The following ADGRF5 variants were observed in gnomAD, a reference collection of about 807,000 sequenced individuals.
ADGRF5 encodes adhesion G protein-coupled receptor F5, also known as G-protein coupled receptor 116.
A neutral mutation model predicts 132.3 loss-of-function variants in ADGRF5; 75 were observed. The observed-to-expected ratio is 0.57, with a 90% CI of 0.47 to 0.69. The LOEUF is 0.69. Among genes scored for constraint, ADGRF5 ranks in the 30% least tolerant of loss-of-function variants. ADGRF5 has a pLI of 0.00. For missense variants in ADGRF5, 1,516 were observed against 1,630.6 expected, an observed-to-expected ratio of 0.93 and a Z score of 1.21; for synonymous variants, 629 against 597.6, an observed-to-expected ratio of 1.05 and a Z score of -0.77.
Position 46,853,714 on chromosome 6 carries a change from A to G in ADGRF5, c.*278T>C, listed in dbSNP as rs549980221. 3.4e-4 allele frequency: 92 copies of G among 266,874 alleles called. No individual in the cohort carries two copies. Among genetic ancestry groups the G allele is most frequent in the African/African-American group, 2.0e-3 (88 of 43,224 alleles). 16.5% of individuals were successfully genotyped at this position (266,874 alleles called of 1,614,324 possible). ...TCTCTTCGAAATTCTATATTACAAT[A>G]TAGACAGAGAAGTTGGGCCTTGAGG... On this transcript the variant is annotated 3_prime_UTR_variant, in exon 21 of 21. Transcript: ENST00000283296.
At chr6:46,863,323 C>T (rs476374) in intron 14 of ADGRF5, 565,171 of 629,126 alleles carry the variant, frequency 0.9, 257,210 homozygotes, top group East Asian at 0.99. Context: ...CTTTTCCTAA[C>T]AGAATTTTAT....
At chr6:46,879,213 AATTAT>A (rs924708471) in intron 9 of ADGRF5, among the ~76,000 whole-genome samples, 183 of 151,454 alleles carry the variant, frequency 1.2e-3, no homozygotes, top group African/African-American at 3.9e-3. Context: ...TAATGAAAAT[AATTAT>A]ATTATATACT....
intron 1 of ADGRF5, among the ~76,000 whole-genome samples, chr6:46,920,890 A>C (rs146807580): frequency 6.4e-4 from 98 of 152,238 alleles, no homozygotes; most frequent in African/African-American, 2.3e-3. Flanking sequence ...AATAAAATCT[A>C]TTTAGAGATA....
intron 8 of ADGRF5, 45 bp downstream of exon 8, chr6:46,881,410 G>A (rs755640777): frequency 9.7e-6 from 15 of 1,541,992 alleles, no homozygotes; most frequent in Admixed American, 1.7e-5. Context: ...CTAGGTTTAC[G>A]CATAACCATA....
At position 46,881,534 on chromosome 6, in the gene ADGRF5, A is replaced by T. The variant is rs956502187; in HGVS notation, c.735T>A (p.His245Gln). 5 of 1,613,338 alleles carry T rather than the reference A, an allele frequency of 3.1e-6. No individual in the cohort carries two copies. The African/African-American group carries it at 6.7e-5, about 22-fold the overall frequency. The change falls in exon 8 of 21, where the codon CAT becomes CAA. Residue 245 changes from histidine to glutamine, a missense_variant. Physicochemically the swap from His to Gln is conservative, Grantham distance 24. Transcript: ENST00000283296. ...TCTGTACAACTTGTTCATTGGCTTT[A>T]TGTATTAACTCAAGTGATGGTGGTG... is the stretch of plus-strand genomic sequence containing the variant. ...KTTPPSLELI[H>Q]KANEQVVQSL...
In ADGRF5 at chr6:46,858,655, T is replaced by A. The variant is rs1308490246; in HGVS notation, c.3248A>T (p.Lys1083Met). The part of the protein sequence containing the change: ...AIQDNRYILC[K>M]TACVAATFFI... ...GAAGGTGGCAGCCACACAGGCTGTCTTGCAGAGTATGTAGCGATTGTCCTG... is the reference window on the plus strand; with the variant it reads ...GAAGGTGGCAGCCACACAGGCTGTCATGCAGAGTATGTAGCGATTGTCCTG... The change falls in exon 17 of 21, where the codon AAG becomes ATG. Residue 1083 changes from lysine (K) to methionine (M), a missense_variant. By Grantham distance (95) the Lys-to-Met change is moderately conservative. This residue lies in a region of ADGRF5 where 571 missense variants were observed against 701.2 expected (regional missense o/e 0.81). Coordinates refer to ENST00000283296, the MANE Select transcript of ADGRF5 (RefSeq NM_001098518.2). 12 of 1,614,164 alleles carry A rather than the reference T, an allele frequency of 7.4e-6. No individual in the cohort carries two copies. The highest frequency in any genetic ancestry group is 1.0e-5 in the Non-Finnish European group (12 of 1,180,030).
chr6:46,871,199 G>A (rs1295612269), intron 11 of ADGRF5, among the ~76,000 whole-genome samples: 1 of 152,140 alleles, frequency 6.6e-6, no homozygotes, highest in African/African-American at 2.4e-5. Context: ...GGAAAAACAA[G>A]TTTGAATGTC....
At chr6:46,905,812 G>T (rs9472901) in intron 2 of ADGRF5, among the ~76,000 whole-genome samples, 9,575 of 152,140 alleles carry the variant, frequency 0.063, 1,011 homozygotes, top group African/African-American at 0.22. Context: ...TACAATAAGA[G>T]AAACAATAAC....
chr6:46,906,284 C>T (rs1775358143), intron 2 of ADGRF5, among the ~76,000 whole-genome samples: 1 of 152,204 alleles, frequency 6.6e-6, no homozygotes, highest in African/African-American at 2.4e-5. Flanking sequence ...TGAGAACATA[C>T]ATTCTGCTCA....
intron 1 of ADGRF5, among the ~76,000 whole-genome samples, chr6:46,932,467 G>A (rs1337776562): frequency 6.6e-6 from 1 of 152,148 alleles, no homozygotes; most frequent in Non-Finnish European, 1.5e-5. Flanking sequence ...AAAAGTCACA[G>A]CATGGTTGTG....
chr6:46,953,653 A>ATATATATATATATG (rs1778591626), intron 1 of ADGRF5, among the ~76,000 whole-genome samples: 1 of 14,372 alleles, frequency 7.0e-5, no homozygotes, highest in South Asian at 1.6e-3. Context: ...ATATATGTGT[A>ATATATATATATATG]TATATATATA....
At chr6:46,871,769 G>A in intron 11 of ADGRF5, 74 bp downstream of exon 11, 1 of 1,050,808 alleles carries the variant, frequency 9.5e-7, no homozygotes, top group Non-Finnish European at 1.4e-6. Context: ...TATTTCCATA[G>A]CTCACAGATC....
At chr6:46,859,580 A>G (rs1769494542) in intron 16 of ADGRF5, 57 bp from the exon 17 acceptor site, 2 of 1,098,414 alleles carry the variant, frequency 1.8e-6, no homozygotes, top group South Asian at 1.6e-5. Flanking sequence ...CATAAAAAAG[A>G]AAAAAACAAC....
chr6:46,870,390 C>G (rs220680), intron 11 of ADGRF5, among the ~76,000 whole-genome samples: 127,205 of 152,094 alleles, frequency 0.84, 54,988 homozygotes, highest in East Asian at 0.99. Flanking sequence ...AAACTCCTAG[C>G]CTTAAGCCAT....
In ADGRF5 at chr6:46,884,089, A is replaced by T; in HGVS notation, c.505+6T>A. The stretch of plus-strand genomic sequence containing the variant: ...CTCAACGAGCATTTAATGAGCAGTT[A>T]CTTACCTTCCTGAAGCAGGCAAAAA... On this transcript the variant is annotated splice_donor_region_variant and intron_variant, in intron 5 of 20. Coordinates refer to ENST00000283296, the MANE Select transcript of ADGRF5 (RefSeq NM_001098518.2). 6.2e-7 allele frequency: 1 copy of T among 1,611,568 alleles called. No homozygotes were observed. The highest frequency in any genetic ancestry group is 8.5e-7 in the Non-Finnish European group (1 of 1,177,898).
intron 7 of ADGRF5, 91 bp downstream of exon 7, chr6:46,881,958 A>G (rs879770874): frequency 2.7e-5 from 26 of 961,850 alleles, no homozygotes; most frequent in Non-Finnish European, 4.4e-5. Flanking sequence ...AGGATTCCAC[A>G]TGAATAATGC....
intron 3 of ADGRF5, among the ~76,000 whole-genome samples, chr6:46,889,328 T>C (rs1024794492): frequency 1.4e-5 from 2 of 147,120 alleles, no homozygotes; most frequent in African/African-American, 5.0e-5. Flanking sequence ...ATAGTATATA[T>C]AGTCTATATA....
intron 1 of ADGRF5, among the ~76,000 whole-genome samples, chr6:46,937,827 G>T (rs750425622): frequency 6.6e-6 from 1 of 152,160 alleles, no homozygotes; most frequent in Non-Finnish European, 1.5e-5. Flanking sequence ...GTGACCAATG[G>T]TCAGAAATAA....
At chr6:46,910,635 A>T (rs1775852690) in intron 1 of ADGRF5, among the ~76,000 whole-genome samples, 2 of 152,156 alleles carry the variant, frequency 1.3e-5, no homozygotes. Flanking sequence ...TAAACAAAGC[A>T]GTCTATTCTC....
Sources: allele counts gnomAD v4.1 joint callset (sites outside exome capture counted in the v4.1 genomes callset), GRCh38; gene constraint gnomAD v4.1.1; regional missense constraint gnomAD v4.1.1; transcripts MANE v1.5; gene names NCBI Gene and HGNC (gene_info 2026-07-23, HGNC 2026-07-21).